KHDRBS2: variants seen among roughly 807,000 people sequenced by gnomAD.
The protein encoded by KHDRBS2 is KH domain-containing, RNA-binding, signal transduction-associated protein 2.
In KHDRBS2, 26 loss-of-function variants were observed where a neutral mutation model predicts 44.3. The observed-to-expected ratio is 0.59, with a 90% CI of 0.43 to 0.81. The LOEUF is 0.81. KHDRBS2 is among the 40% of genes least tolerant of loss of function. The probability of loss-of-function intolerance (pLI) is 0.00; values close to 1 mark genes in which losing one functional copy is unlikely to be tolerated. For missense variants in KHDRBS2, 476 were observed against 433.1 expected (o/e 1.10, Z -0.88); for synonymous variants, 194 against 151.1 (o/e 1.28, Z -2.08).
intron 2 of KHDRBS2, among the ~76,000 whole-genome samples, chr6:62,091,782 G>A (rs931424072): frequency 3.9e-5 from 6 of 152,122 alleles, no homozygotes; most frequent in Admixed American, 1.3e-4. Flanking sequence ...TGAGTCCTTG[G>A]ACAAATTACT....
chr6:61,821,731 C>G (rs1477689648), intron 6 of KHDRBS2, among the ~76,000 whole-genome samples: 1 of 151,774 alleles, frequency 6.6e-6, no homozygotes, highest in Non-Finnish European at 1.5e-5. Context: ...TTTATTTTAG[C>G]TAGGTTTTAG....
At chr6:61,657,551 C>A in the KHDRBS2 span, among the ~76,000 whole-genome samples, 1 of 151,926 alleles carries the variant, frequency 6.6e-6, no homozygotes, top group Non-Finnish European at 1.5e-5. Context: ...TTTAAAGCTC[C>A]ATTAACACCC....
At chr6:61,588,236 A>G in the KHDRBS2 span, among the ~76,000 whole-genome samples, 1 of 152,202 alleles carries the variant, frequency 6.6e-6, no homozygotes, top group Non-Finnish European at 1.5e-5. Context: ...CCATGCAAAT[A>G]TGAGTGATTA....
At chr6:61,857,564 G>GA (rs1175015233) in intron 6 of KHDRBS2, among the ~76,000 whole-genome samples, 2 of 145,408 alleles carry the variant, frequency 1.4e-5, no homozygotes, top group African/African-American at 5.1e-5. Flanking sequence ...ATGGATAATG[G>GA]AAAATGTGAT....
chr6:62,284,117 A>T (rs1324680875), intron 1 of KHDRBS2, among the ~76,000 whole-genome samples: 2 of 152,172 alleles, frequency 1.3e-5, no homozygotes, highest in Non-Finnish European at 2.9e-5. Context: ...TAAGGAACCA[A>T]GTGCATTCTC....
At chr6:61,822,548 C>G (rs1047225007) in intron 6 of KHDRBS2, among the ~76,000 whole-genome samples, 2 of 151,940 alleles carry the variant, frequency 1.3e-5, no homozygotes, top group Non-Finnish European at 2.9e-5. Context: ...AAACTCAGGT[C>G]TCATTCTAGC....
rs547381881 is a variant in KHDRBS2, at chr6:61,705,471, A to G, written c.894-8218T>C. On this transcript the variant is annotated intron_variant, in intron 7 of 8. Transcript: ENST00000281156. ...CTTATTTAATTGCCACAATTTTTGA[A>G]TGATAGTATTAGCCCAAGACCAGAA... Among the ~76,000 whole-genome samples, 237 of 152,006 alleles carry G rather than the reference A, an allele frequency of 1.6e-3. 1 individual carries two copies. Among genetic ancestry groups the G allele is most frequent in the African/African-American group, 5.3e-3 (221 of 41,534 alleles).
intron 6 of KHDRBS2, among the ~76,000 whole-genome samples, chr6:61,873,660 A>G (rs1463738202): frequency 6.6e-6 from 1 of 151,924 alleles, no homozygotes; most frequent in Non-Finnish European, 1.5e-5. Context: ...AACTATCCAA[A>G]TGTTTATATA....
At chr6:62,037,691 T>C (rs16869248) in intron 3 of KHDRBS2, among the ~76,000 whole-genome samples, 31,080 of 151,912 alleles carry the variant, frequency 0.2, 3,766 homozygotes, top group Admixed American at 0.32. Flanking sequence ...GTTTGCCTTT[T>C]TTTAAAACCC....
the KHDRBS2 span, among the ~76,000 whole-genome samples, chr6:61,555,422 C>G: frequency 6.6e-6 from 1 of 152,048 alleles, no homozygotes; most frequent in African/African-American, 2.4e-5. Flanking sequence ...TTATTGTATT[C>G]TTTAGAATCC....
chr6:61,903,663 CTG>C (rs1400588772), intron 4 of KHDRBS2, among the ~76,000 whole-genome samples: 2 of 152,106 alleles, frequency 1.3e-5, no homozygotes, highest in Non-Finnish European at 2.9e-5. Flanking sequence ...CACACTGACT[CTG>C]AGATTTGCCA....
At chr6:61,821,547 A>G (rs376272257) in intron 6 of KHDRBS2, among the ~76,000 whole-genome samples, 2 of 152,088 alleles carry the variant, frequency 1.3e-5, no homozygotes, top group South Asian at 2.1e-4. Flanking sequence ...CACTTCTAAG[A>G]TCAACTATCT....
chr6:61,651,307 T>C, the KHDRBS2 span, among the ~76,000 whole-genome samples: 2 of 152,122 alleles, frequency 1.3e-5, no homozygotes, highest in Admixed American at 6.6e-5. Flanking sequence ...AGATACTTGC[T>C]ACATAATGAG....
intron 1 of KHDRBS2, among the ~76,000 whole-genome samples, chr6:62,223,310 A>G (rs1296464999): frequency 6.6e-6 from 1 of 152,162 alleles, no homozygotes; most frequent in Non-Finnish European, 1.5e-5. Flanking sequence ...AGCCCCTTTC[A>G]GCCACAGCTG....
intron 1 of KHDRBS2, among the ~76,000 whole-genome samples, chr6:62,232,169 C>T (rs1832996208): frequency 6.6e-6 from 1 of 152,074 alleles, no homozygotes; most frequent in South Asian, 2.1e-4. Flanking sequence ...TTCAAACTTA[C>T]ATGAACAGTA....
At chr6:61,902,551 A>T (rs1804254853) in intron 4 of KHDRBS2, among the ~76,000 whole-genome samples, 1 of 152,126 alleles carries the variant, frequency 6.6e-6, no homozygotes, top group Non-Finnish European at 1.5e-5. Context: ...CTGGTTGAAT[A>T]GTACAAAATT....
intron 1 of KHDRBS2, among the ~76,000 whole-genome samples, chr6:62,219,856 T>C (rs1830594866): frequency 6.8e-6 from 1 of 147,774 alleles, no homozygotes; most frequent in Non-Finnish European, 1.5e-5. Context: ...TAACTTGAAA[T>C]TATGTGCATA....
chr6:61,891,929 G>A (rs1429252403), intron 6 of KHDRBS2, among the ~76,000 whole-genome samples: 12 of 152,012 alleles, frequency 7.9e-5, no homozygotes, highest in African/African-American at 2.9e-4. Flanking sequence ...GGAAATAAAG[G>A]GTATTCAATC....
At chr6:62,218,096 G>T (rs1391397767) in intron 1 of KHDRBS2, among the ~76,000 whole-genome samples, 1 of 151,694 alleles carries the variant, frequency 6.6e-6, no homozygotes, top group African/African-American at 2.4e-5. Flanking sequence ...CAAAGGGACT[G>T]CACAGCATGT....
Sources: allele counts gnomAD v4.1 joint callset (sites outside exome capture counted in the v4.1 genomes callset), GRCh38; gene constraint gnomAD v4.1.1; transcripts MANE v1.5; gene names NCBI Gene and HGNC (gene_info 2026-07-23, HGNC 2026-07-21).